Variants in PTPRN2 observed in about 807,000 individuals in gnomAD.
PTPRN2 encodes receptor-type tyrosine-protein phosphatase N2.
Under a neutral mutation model 118.8 loss-of-function variants are expected in PTPRN2, and 74 were observed. The ratio of observed to expected loss-of-function variants is 0.62; its 90% CI spans 0.52 to 0.76. The LOEUF (loss-of-function observed/expected upper bound fraction) is 0.76. Among genes scored for constraint, PTPRN2 ranks in the 30% least tolerant of loss-of-function variants. The pLI is 0.00. For synonymous variants in PTPRN2, 641 were observed against 608.0 expected, an observed-to-expected ratio of 1.05 and a Z score of -0.80; for missense variants, 1,481 against 1,394.4, an observed-to-expected ratio of 1.06 and a Z score of -0.99.
chr7:158,171,038 CACAT>C (rs1246028962), intron 5 of PTPRN2, among the ~76,000 whole-genome samples: 2 of 139,060 alleles, frequency 1.4e-5, no homozygotes, highest in Admixed American at 1.4e-4. Flanking sequence ...CATATATATA[CACAT>C]ACATATATAT....
chr7:158,155,566 T>TTC (rs1821672341), intron 6 of PTPRN2, among the ~76,000 whole-genome samples: 2 of 7,632 alleles, frequency 2.6e-4, no homozygotes, highest in African/African-American at 6.2e-4. Context: ...TCATCATCAT[T>TTC]GCCATCATCA....
In PTPRN2 at chr7:157,631,982, C is replaced by T. The variant is rs2150671513; in HGVS notation, c.2197-10473G>A. Reference sequence around the variant, plus strand: ...GAGGCACTGGGACATGATCACAGACCTTACGTACTTTCCGAAGAGCAAAGG... The same window carrying T: ...GAGGCACTGGGACATGATCACAGACTTTACGTACTTTCCGAAGAGCAAAGG... On this transcript the variant is annotated intron_variant, in intron 14 of 22. Coordinates refer to ENST00000389418, the MANE Select transcript of PTPRN2 (RefSeq NM_002847.5). Among the ~76,000 whole-genome samples, 4 of 152,296 alleles carry T rather than the reference C, an allele frequency of 2.6e-5. No homozygotes were observed. The East Asian group carries it at 7.7e-4, about 29-fold the overall frequency.
At chr7:158,010,587 G>GA (rs1317923409) in intron 11 of PTPRN2, among the ~76,000 whole-genome samples, 29 of 152,126 alleles carry the variant, frequency 1.9e-4, no homozygotes, top group East Asian at 1.4e-3. Context: ...AGAAACTATG[G>GA]AAAAAAATTC....
intron 2 of PTPRN2, among the ~76,000 whole-genome samples, chr7:158,402,925 A>C (rs1813061781): frequency 6.6e-6 from 1 of 152,182 alleles, no homozygotes; most frequent in African/African-American, 2.4e-5. Flanking sequence ...GTCAGAAAAG[A>C]AAAGCCTCCT....
chr7:158,154,260 A>C (rs538790899), intron 6 of PTPRN2, among the ~76,000 whole-genome samples: 1 of 152,354 alleles, frequency 6.6e-6, no homozygotes, highest in Non-Finnish European at 1.5e-5. Context: ...CATTCACCAC[A>C]GTTGGGACTC....
intron 21 of PTPRN2, among the ~76,000 whole-genome samples, chr7:157,561,367 C>T (rs1002151957): frequency 2.0e-5 from 3 of 152,282 alleles, no homozygotes; most frequent in Admixed American, 6.5e-5. Flanking sequence ...AGGCGCCTCA[C>T]CACTGGCCCT....
chr7:157,544,081 G>A (rs1055883297), intron 22 of PTPRN2, among the ~76,000 whole-genome samples: 3 of 151,490 alleles, frequency 2.0e-5, no homozygotes, highest in South Asian at 2.1e-4. Context: ...GGAGAGAGAC[G>A]GAGAGAGGTG....
chr7:158,515,440 G>A (rs1224537801), intron 1 of PTPRN2, among the ~76,000 whole-genome samples: 1 of 152,126 alleles, frequency 6.6e-6, no homozygotes, highest in African/African-American at 2.4e-5. Context: ...GCCCGCCTCA[G>A]CCTCCCAAAG....
intron 2 of PTPRN2, among the ~76,000 whole-genome samples, chr7:158,422,226 A>C (rs1815312982): frequency 6.6e-6 from 1 of 152,226 alleles, no homozygotes; most frequent in African/African-American, 2.4e-5. Context: ...CCTTTTAAGA[A>C]ATGCAGATCA....
At chr7:158,271,521 G>A (rs1437208740) in intron 3 of PTPRN2, among the ~76,000 whole-genome samples, 1 of 152,146 alleles carries the variant, frequency 6.6e-6, no homozygotes, top group Non-Finnish European at 1.5e-5. Context: ...CGGGACGGGG[G>A]CAACACAGCC....
chr7:158,264,276 T>C (rs1797732722), intron 3 of PTPRN2, among the ~76,000 whole-genome samples: 1 of 152,094 alleles, frequency 6.6e-6, no homozygotes, highest in Non-Finnish European at 1.5e-5. Context: ...AAAATACATA[T>C]CCAGATGGAA....
chr7:158,515,268 C>A (rs1823464574), intron 1 of PTPRN2, among the ~76,000 whole-genome samples: 1 of 151,674 alleles, frequency 6.6e-6, no homozygotes, highest in Non-Finnish European at 1.5e-5. Flanking sequence ...CTCACCGCAA[C>A]CTCTGCCTCC....
chr7:158,323,291 G>A (rs1803190148), intron 2 of PTPRN2, among the ~76,000 whole-genome samples: 1 of 152,162 alleles, frequency 6.6e-6, no homozygotes, highest in Non-Finnish European at 1.5e-5. Context: ...GCAGACAGAA[G>A]GCTGGACCCC....
chr7:158,097,771 T>A (rs995235841), intron 10 of PTPRN2, among the ~76,000 whole-genome samples: 3 of 152,060 alleles, frequency 2.0e-5, no homozygotes, highest in African/African-American at 7.3e-5. Flanking sequence ...GTTTTAATGG[T>A]CTCTAATGAT....
At chr7:157,815,369 T>C (rs761723735) in intron 12 of PTPRN2, among the ~76,000 whole-genome samples, 21 of 152,220 alleles carry the variant, frequency 1.4e-4, no homozygotes, top group Non-Finnish European at 2.8e-4. Context: ...GGCCTAGGCC[T>C]CCGCGCATCA....
intron 12 of PTPRN2, among the ~76,000 whole-genome samples, chr7:157,835,849 T>C (rs1807896558): frequency 6.6e-6 from 1 of 152,234 alleles, no homozygotes; most frequent in Non-Finnish European, 1.5e-5. Context: ...GTTTCACTGA[T>C]GACAGGATGA....
intron 1 of PTPRN2, among the ~76,000 whole-genome samples, chr7:158,547,826 TC>T (rs1379525095): frequency 6.6e-6 from 1 of 152,232 alleles, no homozygotes; most frequent in Non-Finnish European, 1.5e-5. Context: ...CACTACTCTG[TC>T]CCAATATCAA....
chr7:158,369,280 C>T (rs1809776940), intron 2 of PTPRN2, among the ~76,000 whole-genome samples: 2 of 65,134 alleles, frequency 3.1e-5, no homozygotes, highest in South Asian at 1.2e-3. Flanking sequence ...CACACACACA[C>T]ACACACACAC....
intron 2 of PTPRN2, among the ~76,000 whole-genome samples, chr7:158,338,293 G>A (rs1360086423): frequency 1.5e-5 from 1 of 68,204 alleles, no homozygotes; most frequent in African/African-American, 7.1e-5. Context: ...ACCTGCTGAC[G>A]TCACTCACAC....
Sources: gnomAD v4.1 joint callset for allele counts (sites outside exome capture counted in the v4.1 genomes callset) on GRCh38, gnomAD v4.1.1 for gene constraint, MANE v1.5 for transcripts, NCBI Gene and HGNC (gene_info 2026-07-23, HGNC 2026-07-21) for gene names.